ARHGAP15: variants seen among roughly 807,000 people sequenced by gnomAD.
ARHGAP15 encodes rho GTPase-activating protein 15.
A neutral mutation model predicts 63.7 loss-of-function variants in ARHGAP15; 51 were observed. The ratio of observed to expected loss-of-function variants is 0.80; its 90% CI spans 0.64 to 1.01. The LOEUF (loss-of-function observed/expected upper bound fraction) is 1.01, where lower values mean the gene tolerates loss of function less well. Ranked by LOEUF, ARHGAP15 falls within the 50% of genes least tolerant of loss-of-function variation. The pLI, the probability that ARHGAP15 is intolerant of heterozygous loss-of-function variation, is 0.00. For missense variants in ARHGAP15, 560 were observed against 564.6 expected (o/e 0.99, Z 0.08); for synonymous variants, 191 against 193.8 (o/e 0.99, Z 0.12).
intron 8 of ARHGAP15, among the ~76,000 whole-genome samples, chr2:143,454,973 T>G (rs1202153926): frequency 6.6e-6 from 1 of 152,008 alleles, no homozygotes; most frequent in Non-Finnish European, 1.5e-5. Flanking sequence ...AATTCCACAT[T>G]AACAAAGAGA....
chr2:143,554,427 T>G (rs1463902038), intron 10 of ARHGAP15, among the ~76,000 whole-genome samples: 3 of 152,154 alleles, frequency 2.0e-5, no homozygotes, highest in Non-Finnish European at 4.4e-5. Flanking sequence ...TGAACATTTT[T>G]CTGTAAACAT....
At chr2:143,675,322 T>C (rs559056562) in intron 12 of ARHGAP15, among the ~76,000 whole-genome samples, 3 of 152,274 alleles carry the variant, frequency 2.0e-5, no homozygotes, top group African/African-American at 7.2e-5. Flanking sequence ...TCCATGAGAA[T>C]TGGAATCAAC....
intron 1 of ARHGAP15, among the ~76,000 whole-genome samples, chr2:143,144,190 G>T (rs1039568238): frequency 6.6e-6 from 1 of 151,972 alleles, no homozygotes; most frequent in African/African-American, 2.4e-5. Context: ...TTAACTCTAT[G>T]TCTTTGATAC....
chr2:143,208,160 G>A (rs1366242308), intron 3 of ARHGAP15, among the ~76,000 whole-genome samples: 1 of 152,074 alleles, frequency 6.6e-6, no homozygotes, highest in Admixed American at 6.6e-5. Flanking sequence ...TGGATCTTCA[G>A]GCTTATTTAT....
chr2:143,507,628 A>C (rs573876813), intron 9 of ARHGAP15, among the ~76,000 whole-genome samples: 3 of 152,338 alleles, frequency 2.0e-5, no homozygotes, highest in African/African-American at 7.2e-5. Flanking sequence ...TTCCAAACTT[A>C]AAACATCAGT....
intron 13 of ARHGAP15, among the ~76,000 whole-genome samples, chr2:143,759,261 T>C (rs1266649908): frequency 6.6e-6 from 1 of 152,084 alleles, no homozygotes; most frequent in Non-Finnish European, 1.5e-5. Context: ...CTCCAAAATG[T>C]GGAGGAAGAG....
chr2:143,390,865 C>T (rs1687510207), intron 6 of ARHGAP15, among the ~76,000 whole-genome samples: 1 of 152,126 alleles, frequency 6.6e-6, no homozygotes, highest in South Asian at 2.1e-4. Flanking sequence ...TACAGCAACC[C>T]TGATTATTTT....
At chr2:143,394,591 C>T (rs929457653) in intron 6 of ARHGAP15, among the ~76,000 whole-genome samples, 3 of 152,142 alleles carry the variant, frequency 2.0e-5, no homozygotes, top group Admixed American at 6.6e-5. Flanking sequence ...ATGACTAGTA[C>T]TGTCTTCTAC....
At chr2:143,277,587 T>C (rs947944603) in intron 6 of ARHGAP15, among the ~76,000 whole-genome samples, 2 of 152,024 alleles carry the variant, frequency 1.3e-5, no homozygotes, top group Admixed American at 1.3e-4. Context: ...CTTTGTTTAC[T>C]AAATGCACCT....
At chr2:143,767,123 T>C (rs1291621956) in intron 13 of ARHGAP15, among the ~76,000 whole-genome samples, 2 of 152,202 alleles carry the variant, frequency 1.3e-5, no homozygotes, top group African/African-American at 4.8e-5. Context: ...ATGCTTTCCT[T>C]ATTTCCTTAT....
intron 3 of ARHGAP15, among the ~76,000 whole-genome samples, chr2:143,213,814 A>G (rs1473636256): frequency 6.6e-6 from 1 of 152,204 alleles, no homozygotes; most frequent in African/African-American, 2.4e-5. Context: ...ATTCCTGAAA[A>G]GTCTATTGCA....
intron 11 of ARHGAP15, among the ~76,000 whole-genome samples, chr2:143,570,296 C>T (rs539153435): frequency 9.3e-4 from 141 of 152,280 alleles, no homozygotes; most frequent in African/African-American, 3.3e-3. Context: ...CCCCCCAAAC[C>T]ACAAGAATCA....
intron 6 of ARHGAP15, among the ~76,000 whole-genome samples, chr2:143,387,250 G>T (rs1558937310): frequency 6.6e-6 from 1 of 152,094 alleles, no homozygotes; most frequent in Non-Finnish European, 1.5e-5. Context: ...CTTTTGTAAA[G>T]GAATTTAGGA....
At chr2:143,245,076 T>C (rs1406383652) in intron 5 of ARHGAP15, among the ~76,000 whole-genome samples, 1 of 152,116 alleles carries the variant, frequency 6.6e-6, no homozygotes, top group Non-Finnish European at 1.5e-5. Context: ...GTAGAAAATA[T>C]AATTCTGACA....
chr2:143,378,680 T>G (rs1035927304), intron 6 of ARHGAP15, among the ~76,000 whole-genome samples: 1 of 151,884 alleles, frequency 6.6e-6, no homozygotes, highest in African/African-American at 2.4e-5. Flanking sequence ...GAAACATTGA[T>G]TGATGTGTTT....
chr2:143,680,173 A>G (rs1683037724), intron 12 of ARHGAP15, among the ~76,000 whole-genome samples: 1 of 152,168 alleles, frequency 6.6e-6, no homozygotes. Flanking sequence ...TCAGCTTATA[A>G]CAAACAAAAA....
In ARHGAP15 at chr2:143,149,500, T is replaced by C. The variant is rs1275229285; in HGVS notation, c.-14-5977T>C. Among the ~76,000 whole-genome samples the C allele has an allele frequency of 2.0e-5, 3 of 151,942 alleles. No individual in the cohort carries two copies. The East Asian group carries it at 5.9e-4, about 30-fold the overall frequency. Reference sequence around the variant, plus strand: ...AGGAAGACTATTCTCAAAGCAAAAATCCCTGAAAATTCTAAGATTGTGATA... The same window carrying C: ...AGGAAGACTATTCTCAAAGCAAAAACCCCTGAAAATTCTAAGATTGTGATA... On this transcript the variant is annotated intron_variant, in intron 1 of 13. Transcript: ENST00000295095.
Position 143,624,119 on chromosome 2 carries a change from TC to T in ARHGAP15, c.1004-13del, listed in dbSNP as rs1167510089. The T allele has an allele frequency of 1.2e-6, 2 of 1,612,096 alleles. No individual in the cohort carries two copies. Among genetic ancestry groups the T allele is most frequent in the Non-Finnish European group, 1.7e-6 (2 of 1,178,656 alleles). On this transcript the variant is annotated splice_polypyrimidine_tract_variant and intron_variant, in intron 11 of 13. Transcript: ENST00000295095. ...TTAAAACCAGTTGTTCCATTTCTCCTCGTGTTTTCCCAGAAGAGAAGCTGAA... is the reference window on the plus strand; with the variant it reads ...TTAAAACCAGTTGTTCCATTTCTCCTGTGTTTTCCCAGAAGAGAAGCTGAA...
intron 2 of ARHGAP15, among the ~76,000 whole-genome samples, chr2:143,186,775 G>A (rs2105080922): frequency 6.6e-6 from 1 of 152,290 alleles, no homozygotes; most frequent in Middle Eastern, 3.4e-3. Context: ...CTCTTGCTGA[G>A]AGTACTAATG....
Sources: allele counts gnomAD v4.1 joint callset (sites outside exome capture counted in the v4.1 genomes callset), GRCh38; gene constraint gnomAD v4.1.1; transcripts MANE v1.5; gene names NCBI Gene and HGNC (gene_info 2026-07-23, HGNC 2026-07-21).